Variants in TASOR2 observed in about 807,000 individuals in gnomAD.
TASOR2 encodes transcription activation suppressor family member 2, also known as protein TASOR 2.
TASOR2 carries 84 observed loss-of-function variants against 199.5 expected under a neutral mutation model. The observed-to-expected ratio is 0.42, with a 90% CI of 0.35 to 0.50. TASOR2 has a LOEUF of 0.50. Among genes scored for constraint, TASOR2 ranks in the 20% least tolerant of loss-of-function variants. TASOR2 has a pLI of 0.02. For missense variants in TASOR2, 2,796 were observed against 2,835.9 expected, an observed-to-expected ratio of 0.99 and a Z score of 0.32; for synonymous variants, 1,103 against 1,046.6, an observed-to-expected ratio of 1.05 and a Z score of -1.04.
At position 5,748,510 on chromosome 10, in the gene TASOR2, G is replaced by A. The variant is rs1837542030; in HGVS notation, c.5089G>A (p.Gly1697Ser). The change falls in exon 15 of 21, where the codon GGT becomes AGT. Residue 1697 changes from glycine to serine, a missense_variant. Transcript: ENST00000328090. This position sits in a 1 kb window ranked among gnomAD's most constrained non-coding sequence, Gnocchi z 5.1. Reference sequence around the variant, plus strand: ...CAGAATGGCCAGTTTGCTTAAGAATGGTGAGCCTGAAGCTGAGTTACATAA... The same window carrying A: ...CAGAATGGCCAGTTTGCTTAAGAATAGTGAGCCTGAAGCTGAGTTACATAA... 1.2e-6 allele frequency: 2 copies of A among 1,613,756 alleles called. No individual in the cohort carries two copies. Among genetic ancestry groups the A allele is most frequent in the Non-Finnish European group, 1.7e-6 (2 of 1,180,036 alleles).
chr10:5,734,213 A>C (rs955572191), intron 11 of TASOR2, among the ~76,000 whole-genome samples: 1 of 152,254 alleles, frequency 6.6e-6, no homozygotes, highest in Admixed American at 6.5e-5. Flanking sequence ...GTTGTGCATT[A>C]TAAGCAGGTG....
Position 5,742,739 on chromosome 10 carries a change from A to C in TASOR2, c.2757+213A>C, listed in dbSNP as rs1363189078. ...TTACCTGCCATCCCGATTGAAAAAA[A>C]CCAGAGTAGAAAAATGTCACAGGGT... On this transcript the variant is annotated intron_variant, in intron 14 of 20. Transcript: ENST00000328090. This position sits in a 1 kb window ranked among gnomAD's most constrained non-coding sequence, Gnocchi z 4.2. Among the ~76,000 whole-genome samples, 1 of 152,192 alleles carries C rather than the reference A, an allele frequency of 6.6e-6. No homozygotes were observed. Among genetic ancestry groups the C allele is most frequent in the African/African-American group, 2.4e-5 (1 of 41,456 alleles).
chr10:5,732,827 T>G (rs1835015280), intron 11 of TASOR2, among the ~76,000 whole-genome samples: 1 of 152,246 alleles, frequency 6.6e-6, no homozygotes, highest in South Asian at 2.1e-4. Flanking sequence ...CGTCAGCCAC[T>G]GTACCCAACC....
rs1461409165 is a variant in TASOR2, at chr10:5,719,931, A to G, written c.-99-613A>G. Among the ~76,000 whole-genome samples the G allele has an allele frequency of 1.3e-5, 2 of 152,198 alleles. No individual in the cohort carries two copies. Among genetic ancestry groups the G allele is most frequent in the Admixed American group, 6.5e-5 (1 of 15,276 alleles). ...CCATTCAGTGACCGTAACATAAAAGATGGTGGGCTATAGTTTTTCTTTTAA... is the reference window on the plus strand; with the variant it reads ...CCATTCAGTGACCGTAACATAAAAGGTGGTGGGCTATAGTTTTTCTTTTAA... On this transcript the variant is annotated intron_variant, in intron 3 of 20. Coordinates refer to ENST00000328090, the Ensembl canonical transcript of TASOR2. This position sits in a 1 kb window ranked among gnomAD's most constrained non-coding sequence, Gnocchi z 4.1.
chr10:5,762,508 GTTGT>G lies in TASOR2; in HGVS notation c.7175-21_7175-18del, dbSNP rs1840030297. 5.7e-5 allele frequency: 28 copies of G among 488,186 alleles called. No homozygotes were observed. The highest frequency in any genetic ancestry group is 3.8e-4 in the African/African-American group (16 of 41,640). 30.2% of individuals were successfully genotyped at this position (488,186 alleles called of 1,614,324 possible). On this transcript the variant is annotated intron_variant, in intron 19 of 20. Transcript: ENST00000328090. ...AGTACATTAATTATATTAACCAAAA[GTTGT>G]TTTTTTTTTTTTTTAACAGACAAGC...
intron 12 of TASOR2, among the ~76,000 whole-genome samples, chr10:5,739,339 T>G (rs1280586659): frequency 6.6e-6 from 1 of 152,242 alleles, no homozygotes; most frequent in East Asian, 1.9e-4. Flanking sequence ...TCTAAATTAA[T>G]GTACACATTC....
chr10:5,692,335 T>G (rs1308082853), intron 1 of TASOR2, among the ~76,000 whole-genome samples: 1 of 152,048 alleles, frequency 6.6e-6, no homozygotes, highest in Non-Finnish European at 1.5e-5. Flanking sequence ...GAACGTGTAT[T>G]TTAGATTAGA....
rs754077711 is a variant in TASOR2 at position 5,740,601 on chromosome 10, GTGT to G, written c.2327+108_2327+110del. On this transcript the variant is annotated intron_variant, in intron 13 of 20. Transcript: ENST00000328090. The surrounding 1 kb of genome is among the most constrained non-coding windows in gnomAD (Gnocchi z 5.3). ...CCAAACTCTGGAGAAGGAGAAAGAA[GTGT>G]TGTGTTTAAAACCAGTAATTTGATA... The G allele has an allele frequency of 1.8e-4, 226 of 1,244,870 alleles. No homozygotes were observed. Among genetic ancestry groups the G allele is most frequent in the Non-Finnish European group, 2.2e-4 (203 of 903,626 alleles). The allele number at this position is 1,244,870 out of a possible 1,614,324, so 77.1% of individuals were successfully genotyped here.
intron 8 of TASOR2, among the ~76,000 whole-genome samples, chr10:5,726,542 T>C (rs1457426485): frequency 2.0e-5 from 3 of 152,250 alleles, no homozygotes; most frequent in Non-Finnish European, 4.4e-5. Flanking sequence ...GAGTTTATAA[T>C]GACTACATGG....
intron 16 of TASOR2, among the ~76,000 whole-genome samples, chr10:5,756,990 T>C (rs950860072): frequency 1.3e-5 from 2 of 152,236 alleles, no homozygotes; most frequent in Non-Finnish European, 2.9e-5. Context: ...ATCTGAGATA[T>C]AAATCTGCAT....
chr10:5,761,237 G>A (rs2131666323), intron 18 of TASOR2, 53 bp from the exon 20 acceptor site: 1 of 1,494,284 alleles, frequency 6.7e-7, no homozygotes, highest in South Asian at 1.3e-5. Context: ...GCAAGAAAAA[G>A]TCCTAAGAAT....
exon 15 of TASOR2, chr10:5,749,043 C>T (rs1161301485): frequency 6.2e-7 from 1 of 1,614,146 alleles, no homozygotes; most frequent in Admixed American, 1.7e-5. Context: ...ACTTCCACAA[C>T]AACAACCAAG....
chr10:5,686,727 C>T (rs1296829428), intron 1 of TASOR2, among the ~76,000 whole-genome samples: 1 of 152,204 alleles, frequency 6.6e-6, no homozygotes, highest in African/African-American at 2.4e-5. Context: ...AAGTAACATT[C>T]TGTTTTAATT....
chr10:5,688,800 T>A (rs1278149804), intron 1 of TASOR2, among the ~76,000 whole-genome samples: 5 of 151,882 alleles, frequency 3.3e-5, no homozygotes, highest in Non-Finnish European at 5.9e-5. Flanking sequence ...TCAGCCAGGT[T>A]TGAGACCAGC....
chr10:5,744,488 A>T (rs1836891521), intron 14 of TASOR2, among the ~76,000 whole-genome samples: 1 of 151,886 alleles, frequency 6.6e-6, no homozygotes, highest in Non-Finnish European at 1.5e-5. Flanking sequence ...TTTTTAGTAG[A>T]GACAGGGTTT....
At chr10:5,694,374 A>T (rs576146700) in intron 1 of TASOR2, among the ~76,000 whole-genome samples, 1 of 152,370 alleles carries the variant, frequency 6.6e-6, no homozygotes, top group East Asian at 1.9e-4. Flanking sequence ...GTAAATATTT[A>T]TTGAAACCCT....
At chr10:5,736,680 G>A (rs1176234010) in intron 12 of TASOR2, among the ~76,000 whole-genome samples, 1 of 152,192 alleles carries the variant, frequency 6.6e-6, no homozygotes, top group African/African-American at 2.4e-5. Flanking sequence ...TCAACTGCTA[G>A]ATATAACCTC....
chr10:5,725,852 A>T (rs1328345384), intron 8 of TASOR2, among the ~76,000 whole-genome samples: 1 of 152,174 alleles, frequency 6.6e-6, no homozygotes, highest in Non-Finnish European at 1.5e-5. Flanking sequence ...GGAGACAAAT[A>T]TGTAAGTCAT....
Position 5,720,843 on chromosome 10 carries a change from A to G in TASOR2, c.47-28A>G. On this transcript the variant is annotated intron_variant, in intron 5 of 20. Transcript: ENST00000328090. The surrounding 1 kb of genome is among the most constrained non-coding windows in gnomAD (Gnocchi z 5.3). ...AGTAAATGTTTCATCATAAATAATC[A>G]GTTTCTTTTTTACCTTCATTTCTTC... 2 of 1,593,308 alleles carry G rather than the reference A, an allele frequency of 1.3e-6. No individual in the cohort carries two copies. Among genetic ancestry groups the G allele is most frequent in the Non-Finnish European group, 1.7e-6 (2 of 1,173,808 alleles).
Sources: allele counts gnomAD v4.1 joint callset (sites outside exome capture counted in the v4.1 genomes callset), GRCh38; gene constraint gnomAD v4.1.1; non-coding constraint Gnocchi (gnomAD v3.1); transcripts MANE v1.5; gene names NCBI Gene and HGNC (gene_info 2026-07-23, HGNC 2026-07-21).